The following TBC1D12 variants were observed in gnomAD, a reference collection of about 807,000 sequenced individuals.
TBC1D12 encodes TBC1 domain family member 12.
In TBC1D12, 56 loss-of-function variants were observed where a neutral mutation model predicts 86.7. That is an observed-to-expected ratio of 0.65 (90% CI 0.52 to 0.81). The LOEUF is 0.81. Ranked by LOEUF, TBC1D12 falls within the 30% of genes least tolerant of loss-of-function variation. The pLI is 0.00. For missense variants in TBC1D12, 1,023 were observed against 1,038.8 expected (o/e 0.98, Z 0.21); for synonymous variants, 421 against 411.7 (o/e 1.02, Z -0.27).
intron 2 of TBC1D12, among the ~76,000 whole-genome samples, chr10:94,445,946 CAA>C (rs111729943): frequency 7.4e-5 from 10 of 135,856 alleles, no homozygotes; most frequent in Admixed American, 7.4e-5. Flanking sequence ...AAAACTGTCT[CAA>C]AAAAAAAAAA....
At chr10:94,465,670 A>ATG (rs34828664) in intron 2 of TBC1D12, among the ~76,000 whole-genome samples, 3,991 of 137,890 alleles carry the variant, frequency 0.029, 116 homozygotes, top group African/African-American at 0.073. Flanking sequence ...ATATATATAT[A>ATG]TGTGTGTGTG....
chr10:94,527,082 T>TTGTGTGTGTGTGTGTGTG (rs60647037), intron 11 of TBC1D12, among the ~76,000 whole-genome samples: 105 of 148,346 alleles, frequency 7.1e-4, no homozygotes, highest in African/African-American at 2.6e-3. Context: ...GCTGGATTGA[T>TTGTGTGTGTGTGTGTGTG]TGTGTGTGTG....
chr10:94,488,587 T>G (rs1408922892), intron 3 of TBC1D12, among the ~76,000 whole-genome samples: 5 of 149,308 alleles, frequency 3.3e-5, no homozygotes, highest in African/African-American at 1.2e-4. Flanking sequence ...AGATGGGGTT[T>G]TACCATGTTG....
intron 9 of TBC1D12, among the ~76,000 whole-genome samples, chr10:94,518,155 G>A (rs1410218039): frequency 6.6e-6 from 1 of 151,930 alleles, no homozygotes; most frequent in East Asian, 1.9e-4. Context: ...TACTGCAATT[G>A]CTGTTCTCTT....
In TBC1D12 at chr10:94,403,338, G is replaced by T. The variant is rs1455487152; in HGVS notation, c.725G>T (p.Gly242Val). The change falls in exon 1 of 13, where the codon GGT becomes GTT. Residue 242 changes from glycine (G) to valine (V), a missense_variant. Around this residue, in one of 2 missense-constraint regions of TBC1D12, gnomAD observed 628 missense variants for 531.1 expected, o/e 1.18. Coordinates refer to ENST00000225235, the MANE Select transcript of TBC1D12 (RefSeq NM_015188.2). ...GAGCAGCGGGGAGTCGGCGCCGGGGGTCCCGAGGAGGGCGCGCCCCCTGCC... is the reference window on the plus strand; with the variant it reads ...GAGCAGCGGGGAGTCGGCGCCGGGGTTCCCGAGGAGGGCGCGCCCCCTGCC... Reference protein sequence around the residue: ...DSEQRGVGAGGPEEGAPPATS... With the variant: ...DSEQRGVGAGVPEEGAPPATS... 2 of 1,521,958 alleles carry T rather than the reference G, an allele frequency of 1.3e-6. No homozygotes were observed. Among genetic ancestry groups the T allele is most frequent in the Non-Finnish European group, 8.8e-7 (1 of 1,135,584 alleles). The allele number at this position is 1,521,958 out of a possible 1,614,324, so 94.3% of individuals were successfully genotyped here. A position where few individuals can be genotyped will look rare whatever the true frequency, so the allele number is the denominator to read the frequency against.
chr10:94,484,955 C>G (rs1199344438), intron 3 of TBC1D12, among the ~76,000 whole-genome samples: 1 of 152,006 alleles, frequency 6.6e-6, no homozygotes. Flanking sequence ...ATTTTTTATC[C>G]TGCAACTTTA....
chr10:94,466,354 A>G (rs1223972919), intron 2 of TBC1D12, among the ~76,000 whole-genome samples: 1 of 151,934 alleles, frequency 6.6e-6, no homozygotes, highest in African/African-American at 2.4e-5. Context: ...TCATGTTTTC[A>G]TGTGATACAT....
chr10:94,430,377 C>T (rs1393690150), intron 1 of TBC1D12, among the ~76,000 whole-genome samples: 2 of 152,146 alleles, frequency 1.3e-5, no homozygotes, highest in African/African-American at 4.8e-5. Flanking sequence ...TGTCAAATTC[C>T]ACAGTTTGAG....
chr10:94,459,991 G>C (rs1057141710), intron 2 of TBC1D12, among the ~76,000 whole-genome samples: 1 of 152,178 alleles, frequency 6.6e-6, no homozygotes, highest in African/African-American at 2.4e-5. Context: ...CAGCCAGAGC[G>C]GACACAGAGG....
rs143567724 is a variant in TBC1D12 at position 94,433,338 on chromosome 10, C to T, written c.972-8558C>T. Among the ~76,000 whole-genome samples, 1,230 of 152,162 alleles carry T rather than the reference C, an allele frequency of 8.1e-3. 16 individuals carry two copies. Among genetic ancestry groups the T allele is most frequent in the African/African-American group, 0.027 (1,109 of 41,544 alleles). On this transcript the variant is annotated intron_variant, in intron 1 of 12. Coordinates refer to ENST00000225235, the MANE Select transcript of TBC1D12 (RefSeq NM_015188.2). ...TTCGCCATGTTGGCCAGGCTGTTCT[C>T]GAACTCCTGACTGCAGGTGATCCAC...
In TBC1D12 at chr10:94,534,442, C is replaced by G. The variant is rs950666924; in HGVS notation, c.*1346C>G. On this transcript the variant is annotated 3_prime_UTR_variant, in exon 13 of 13. Transcript: ENST00000225235. Reference sequence around the variant, plus strand: ...TCACATTGGCCACTTTGCATAGGTTCGGGAACTTAGCAGGTTTTAAATCAT... The same window carrying G: ...TCACATTGGCCACTTTGCATAGGTTGGGGAACTTAGCAGGTTTTAAATCAT... 3 of 152,084 alleles carry G rather than the reference C, an allele frequency of 2.0e-5. No homozygotes were observed. Among genetic ancestry groups the G allele is most frequent in the African/African-American group, 7.3e-5 (3 of 41,372 alleles). 9.4% of individuals were successfully genotyped at this position (152,084 alleles called of 1,614,324 possible). A position where few individuals can be genotyped will look rare whatever the true frequency, so the allele number is the denominator to read the frequency against.
At chr10:94,405,225 A>G (rs1354154312) in intron 1 of TBC1D12, among the ~76,000 whole-genome samples, 3 of 152,082 alleles carry the variant, frequency 2.0e-5, no homozygotes, top group African/African-American at 7.2e-5. Flanking sequence ...GATCTTGACT[A>G]TAACCAGAAG....
chr10:94,405,216 A>T (rs1411879605), intron 1 of TBC1D12, among the ~76,000 whole-genome samples: 1 of 151,380 alleles, frequency 6.6e-6, no homozygotes, highest in South Asian at 2.1e-4. Context: ...CTTTTCGGGG[A>T]TCTTGACTAT....
rs142842955 is a variant in TBC1D12 at position 94,479,622 on chromosome 10, G to A, written c.1211+4839G>A. 8.7e-4 allele frequency among the ~76,000 whole-genome samples: 133 copies of A among 152,208 alleles called. 1 individual carries two copies. In the East Asian group the frequency reaches 0.024, roughly 28 times the overall value. On this transcript the variant is annotated intron_variant, in intron 3 of 12. Transcript: ENST00000225235. ...GTAGAAAGCAGCTTTGGACAGAATC[G>A]ATTTGCAAGATTTAAGGTAGTTAGT...
At chr10:94,498,347 C>T (rs1258887275) in intron 5 of TBC1D12, among the ~76,000 whole-genome samples, 4 of 152,034 alleles carry the variant, frequency 2.6e-5, no homozygotes, top group Admixed American at 2.0e-4. Flanking sequence ...ACTTATCTTG[C>T]CTTTGCATTT....
At position 94,522,003 on chromosome 10, in the gene TBC1D12, GA is replaced by G. The variant is rs758904643; in HGVS notation, c.1811del (p.Glu604GlyfsTer12). 1 of 1,612,320 alleles carries G rather than the reference GA, an allele frequency of 6.2e-7. No individual in the cohort carries two copies. The highest frequency in any genetic ancestry group is 1.7e-5 in the Admixed American group (1 of 60,010). On this transcript the variant is annotated frameshift_variant, in exon 10 of 13. Coordinates refer to ENST00000225235, the MANE Select transcript of TBC1D12 (RefSeq NM_015188.2). LOFTEE classifies it high-confidence loss of function. ...IAAVLILNLE[E>X]ADAFIAFANL... The stretch of plus-strand genomic sequence containing the variant: ...AGCAGTACTCATTCTCAATTTGGAA[GA>G]GGCAGATGCCTTTATCGCATTTGCC...
chr10:94,516,217 C>G (rs922434462), intron 9 of TBC1D12, among the ~76,000 whole-genome samples: 2 of 151,996 alleles, frequency 1.3e-5, no homozygotes, highest in Non-Finnish European at 2.9e-5. Context: ...ACTTCTGCTA[C>G]AAATATATAA....
At chr10:94,506,137 A>G (rs2056458050) in intron 6 of TBC1D12, among the ~76,000 whole-genome samples, 1 of 152,046 alleles carries the variant, frequency 6.6e-6, no homozygotes. Flanking sequence ...CCCGGGCTCA[A>G]GTGATTCTCC....
At chr10:94,432,858 T>TATTTGATTTA (rs955182878) in intron 1 of TBC1D12, among the ~76,000 whole-genome samples, 9 of 152,120 alleles carry the variant, frequency 5.9e-5, no homozygotes, top group Non-Finnish European at 1.3e-4. Context: ...GACTTACTGT[T>TATTTGATTTA]ATTTGATTTA....
Sources: allele counts gnomAD v4.1 joint callset (sites outside exome capture counted in the v4.1 genomes callset), GRCh38; gene constraint gnomAD v4.1.1; regional missense constraint gnomAD v4.1.1; transcripts MANE v1.5; gene names NCBI Gene and HGNC (gene_info 2026-07-23, HGNC 2026-07-21).